Variants in ROR1 observed in about 807,000 individuals in gnomAD.
ROR1 encodes inactive tyrosine-protein kinase transmembrane receptor ROR1.
In ROR1, 19 loss-of-function variants were observed where a neutral mutation model predicts 78.8. The ratio of observed to expected loss-of-function variants is 0.24; its 90% CI spans 0.17 to 0.35. ROR1 has a LOEUF of 0.35. Ranked by LOEUF, ROR1 falls within the 10% of genes least tolerant of loss-of-function variation. The pLI, the probability that ROR1 is intolerant of heterozygous loss-of-function variation, is 1.00. For synonymous variants in ROR1, 386 were observed against 433.6 expected (o/e 0.89, Z 1.36); for missense variants, 917 against 1,177.8 (o/e 0.78, Z 3.24).
chr1:63,831,916 G>A (rs997080893), intron 1 of ROR1, among the ~76,000 whole-genome samples: 1 of 152,118 alleles, frequency 6.6e-6, no homozygotes, highest in Non-Finnish European at 1.5e-5. Context: ...AAAAAGCCAG[G>A]TCACATCTTG....
At chr1:63,975,262 C>T (rs1258816025) in intron 1 of ROR1, among the ~76,000 whole-genome samples, 1 of 152,106 alleles carries the variant, frequency 6.6e-6, no homozygotes, top group Admixed American at 6.5e-5. Context: ...AAAATATCTC[C>T]CAAACGAATA....
intron 4 of ROR1, among the ~76,000 whole-genome samples, chr1:64,067,672 T>G (rs1046463243): frequency 2.0e-5 from 3 of 151,288 alleles, no homozygotes; most frequent in African/African-American, 7.3e-5. Flanking sequence ...CCACAATGTA[T>G]CATTTTTCAA....
At chr1:64,130,879 G>A (rs1437422541) in intron 4 of ROR1, among the ~76,000 whole-genome samples, 3 of 152,176 alleles carry the variant, frequency 2.0e-5, no homozygotes, top group Non-Finnish European at 4.4e-5. Context: ...GGAGAAGAAC[G>A]CTGCCTCTGA....
chr1:63,983,291 TC>T (rs1389265600), intron 1 of ROR1, among the ~76,000 whole-genome samples: 2 of 152,208 alleles, frequency 1.3e-5, no homozygotes, highest in Non-Finnish European at 2.9e-5. Context: ...ACTTTTTTAT[TC>T]TTTACTACTT....
chr1:64,120,696 C>A (rs551650200), intron 4 of ROR1, among the ~76,000 whole-genome samples: 1 of 152,152 alleles, frequency 6.6e-6, no homozygotes, highest in Non-Finnish European at 1.5e-5. Flanking sequence ...AACACTCACT[C>A]TCCTCCACCC....
At chr1:63,851,840 G>A (rs1456799726) in intron 1 of ROR1, among the ~76,000 whole-genome samples, 1 of 152,188 alleles carries the variant, frequency 6.6e-6, no homozygotes, top group Admixed American at 6.5e-5. Context: ...TTGGGTTAAG[G>A]GTTGGTGGAT....
At chr1:64,102,962 C>T (rs963866370) in intron 4 of ROR1, among the ~76,000 whole-genome samples, 1 of 152,182 alleles carries the variant, frequency 6.6e-6, no homozygotes, top group African/African-American at 2.4e-5. Flanking sequence ...AATCACCCCC[C>T]TGTTGAGAAT....
chr1:64,126,114 G>A (rs546751364), intron 4 of ROR1, among the ~76,000 whole-genome samples: 1 of 152,290 alleles, frequency 6.6e-6, no homozygotes, highest in African/African-American at 2.4e-5. Flanking sequence ...GGAAGGATGA[G>A]GGACAGAGAG....
At chr1:64,044,825 A>C (rs1319453280) in intron 2 of ROR1, among the ~76,000 whole-genome samples, 1 of 152,192 alleles carries the variant, frequency 6.6e-6, no homozygotes, top group Non-Finnish European at 1.5e-5. Flanking sequence ...AAAAGTTAGA[A>C]TTTTGCGAAA....
intron 1 of ROR1, among the ~76,000 whole-genome samples, chr1:63,972,940 G>A (rs544120259): frequency 6.6e-6 from 1 of 152,314 alleles, no homozygotes; most frequent in East Asian, 1.9e-4. Flanking sequence ...ATGGCTCATG[G>A]TTACCACTAA....
intron 8 of ROR1, among the ~76,000 whole-genome samples, chr1:64,165,482 A>C (rs1650060182): frequency 6.6e-6 from 1 of 151,992 alleles, no homozygotes; most frequent in Non-Finnish European, 1.5e-5. Flanking sequence ...CCGGATGCAT[A>C]GTTTGCAAAA....
intron 8 of ROR1, among the ~76,000 whole-genome samples, chr1:64,174,605 C>G (rs1001834434): frequency 2.0e-5 from 3 of 152,138 alleles, no homozygotes; most frequent in Non-Finnish European, 4.4e-5. Context: ...AGTACTCAGT[C>G]CCTTAAAGTT....
At chr1:63,843,126 G>A (rs1006868222) in intron 1 of ROR1, 13 of 694,074 alleles carry the variant, frequency 1.9e-5, no homozygotes, top group Non-Finnish European at 3.1e-5. Context: ...GGAAGGGGAC[G>A]GCCTGCAACC....
chr1:63,989,200 T>A (rs1052612059), intron 1 of ROR1, among the ~76,000 whole-genome samples: 6 of 151,016 alleles, frequency 4.0e-5, no homozygotes, highest in Non-Finnish European at 5.9e-5. Context: ...TTTAGCGTTG[T>A]AATGGCATGG....
At chr1:64,051,218 G>A (rs1456407122) in intron 4 of ROR1, among the ~76,000 whole-genome samples, 1 of 152,014 alleles carries the variant, frequency 6.6e-6, no homozygotes, top group Non-Finnish European at 1.5e-5. Context: ...TTGGGAGGCC[G>A]AGGTGGGTGG....
At chr1:63,791,774 T>G (rs1361787859) in intron 1 of ROR1, among the ~76,000 whole-genome samples, 1 of 152,164 alleles carries the variant, frequency 6.6e-6, no homozygotes. Context: ...CCCTGAAGAT[T>G]ATGGAAGATT....
At chr1:64,038,875 C>G (rs1646724437) in intron 2 of ROR1, among the ~76,000 whole-genome samples, 1 of 152,200 alleles carries the variant, frequency 6.6e-6, no homozygotes, top group South Asian at 2.1e-4. Flanking sequence ...ATGGTCCCAT[C>G]CTCAAAGTTC....
At chr1:63,857,373 A>G (rs1282032213) in intron 1 of ROR1, among the ~76,000 whole-genome samples, 2 of 152,202 alleles carry the variant, frequency 1.3e-5, no homozygotes, top group Non-Finnish European at 2.9e-5. Flanking sequence ...AGAATAGAAT[A>G]GCCATATTCT....
chr1:64,104,375 C>A (rs1362405795), intron 4 of ROR1, among the ~76,000 whole-genome samples: 1 of 152,026 alleles, frequency 6.6e-6, no homozygotes, highest in African/African-American at 2.4e-5. Flanking sequence ...CAGGACTTTG[C>A]AAGGAGGATG....
Sources: gnomAD v4.1 joint callset for allele counts (sites outside exome capture counted in the v4.1 genomes callset) on GRCh38, gnomAD v4.1.1 for gene constraint, MANE v1.5 for transcripts, NCBI Gene and HGNC (gene_info 2026-07-23, HGNC 2026-07-21) for gene names.